FAM135B: variants seen among roughly 807,000 people sequenced by gnomAD.
FAM135B encodes the protein family with sequence similarity 135 member B.
In FAM135B, 43 loss-of-function variants were observed where a neutral mutation model predicts 127.7. The ratio of observed to expected loss-of-function variants is 0.34; its 90% CI spans 0.26 to 0.43. The LOEUF (loss-of-function observed/expected upper bound fraction) is 0.43, where lower values mean the gene tolerates loss of function less well. Among genes scored for constraint, FAM135B ranks in the 20% least tolerant of loss-of-function variants. FAM135B has a pLI of 1.00. For synonymous variants in FAM135B, 670 were observed against 665.1 expected (o/e 1.01, Z -0.11); for missense variants, 1,558 against 1,725.6 (o/e 0.90, Z 1.72).
chr8:138,150,664 C>CAAAAAA (rs1818055324), intron 13 of FAM135B, among the ~76,000 whole-genome samples: 2 of 119,944 alleles, frequency 1.7e-5, no homozygotes, highest in Admixed American at 8.5e-5. Flanking sequence ...GAGACTCTGT[C>CAAAAAA]TCAATAAATA....
At chr8:138,185,975 G>C (rs1200283986) in intron 9 of FAM135B, among the ~76,000 whole-genome samples, 3 of 152,088 alleles carry the variant, frequency 2.0e-5, no homozygotes, top group Non-Finnish European at 2.9e-5. Context: ...CACCTAGGTG[G>C]GACCCAAGTA....
At chr8:138,189,445 T>A (rs915875113) in intron 9 of FAM135B, among the ~76,000 whole-genome samples, 2 of 152,270 alleles carry the variant, frequency 1.3e-5, no homozygotes, top group African/African-American at 4.8e-5. Flanking sequence ...TGTTTTACCG[T>A]CTGCCCTCAT....
chr8:138,284,723 G>C (rs543703896), intron 3 of FAM135B, among the ~76,000 whole-genome samples: 1 of 151,978 alleles, frequency 6.6e-6, no homozygotes, highest in South Asian at 2.1e-4. Context: ...CTTCCTCCCT[G>C]GAAAGTCTTC....
At chr8:138,157,243 AC>A (rs1818849673) in intron 12 of FAM135B, among the ~76,000 whole-genome samples, 2 of 152,224 alleles carry the variant, frequency 1.3e-5, no homozygotes, top group Non-Finnish European at 1.5e-5. Flanking sequence ...ACAAAATTCA[AC>A]AGCACTTCAT....
chr8:138,303,447 C>T (rs1826027858), intron 3 of FAM135B, among the ~76,000 whole-genome samples: 1 of 151,764 alleles, frequency 6.6e-6, no homozygotes. Flanking sequence ...GGGCAGGGGG[C>T]AAGGGGAGGG....
intron 1 of FAM135B, among the ~76,000 whole-genome samples, chr8:138,435,304 T>G (rs71532169): frequency 0.072 from 10,774 of 150,384 alleles, 968 homozygotes; most frequent in East Asian, 0.27. Context: ...CTCAAAAAAA[T>G]AAAAAGAAAA....
At chr8:138,365,056 AG>A in intron 2 of FAM135B, among the ~76,000 whole-genome samples, 1 of 152,282 alleles carries the variant, frequency 6.6e-6, no homozygotes, top group Admixed American at 6.5e-5. Flanking sequence ...CATGTTGGCC[AG>A]GCTCGTCTCA....
intron 12 of FAM135B, among the ~76,000 whole-genome samples, chr8:138,165,203 C>T (rs1457857215): frequency 6.6e-6 from 1 of 151,724 alleles, no homozygotes; most frequent in Admixed American, 6.6e-5. Context: ...TCATCACAAC[C>T]TCTGCCTCCC....
intron 12 of FAM135B, among the ~76,000 whole-genome samples, chr8:138,155,485 A>G (rs571009366): frequency 2.6e-3 from 396 of 152,302 alleles, no homozygotes; most frequent in African/African-American, 6.8e-3. Flanking sequence ...GCTCCAATTA[A>G]AAGACACAGA....
At chr8:138,369,142 C>A (rs559477909) in intron 1 of FAM135B, among the ~76,000 whole-genome samples, 1 of 151,966 alleles carries the variant, frequency 6.6e-6, no homozygotes, top group African/African-American at 2.4e-5. Context: ...AGTAGACTCC[C>A]GATAGGATAA....
intron 2 of FAM135B, among the ~76,000 whole-genome samples, chr8:138,314,871 C>G (rs1210024798): frequency 9.0e-6 from 1 of 111,594 alleles, no homozygotes; most frequent in Non-Finnish European, 1.7e-5. Flanking sequence ...CAGGCGGAGA[C>G]CTTACCTCAA....
At chr8:138,445,173 C>A (rs1399433734) in intron 1 of FAM135B, among the ~76,000 whole-genome samples, 1 of 152,104 alleles carries the variant, frequency 6.6e-6, no homozygotes, top group Admixed American at 6.5e-5. Flanking sequence ...AGCTTACCAA[C>A]CAAAAAAAGT....
intron 2 of FAM135B, among the ~76,000 whole-genome samples, chr8:138,337,807 C>G (rs1828724662): frequency 6.6e-6 from 1 of 152,198 alleles, no homozygotes; most frequent in South Asian, 2.1e-4. Flanking sequence ...CCAAATCAAT[C>G]CTAAGCCAAA....
chr8:138,236,152 C>A (rs1820257716), intron 7 of FAM135B, among the ~76,000 whole-genome samples: 1 of 152,122 alleles, frequency 6.6e-6, no homozygotes, highest in African/African-American at 2.4e-5. Flanking sequence ...ATTTACTCAA[C>A]AAAGGCTTCG....
intron 5 of FAM135B, among the ~76,000 whole-genome samples, chr8:138,256,346 G>A (rs758572134): frequency 1.3e-5 from 2 of 152,156 alleles, no homozygotes; most frequent in Admixed American, 6.5e-5. Context: ...AAGGGGATTT[G>A]CCATTTGTAG....
Position 138,146,059 on chromosome 8 carries a change from G to A in FAM135B, c.3449-9C>T, listed in dbSNP as rs2130660397. On this transcript the variant is annotated splice_polypyrimidine_tract_variant and intron_variant, in intron 14 of 19. Coordinates refer to ENST00000395297, the MANE Select transcript of FAM135B (RefSeq NM_015912.4). ...GAGGTCTGCACTGTTCCCTAAAAATGACAGATAACCCCCATCCCAGTCCCG... is the reference window on the plus strand; with the variant it reads ...GAGGTCTGCACTGTTCCCTAAAAATAACAGATAACCCCCATCCCAGTCCCG... 6.6e-7 allele frequency: 1 copy of A among 1,515,184 alleles called. No individual in the cohort carries two copies. The highest frequency in any genetic ancestry group is 9.2e-7 in the Non-Finnish European group (1 of 1,092,058). The allele number at this position is 1,515,184 out of a possible 1,614,324, so 93.9% of individuals were successfully genotyped here. A position where few individuals can be genotyped will look rare whatever the true frequency, so the allele number is the denominator to read the frequency against.
chr8:138,289,194 G>C (rs1824916098), intron 3 of FAM135B, among the ~76,000 whole-genome samples: 1 of 152,142 alleles, frequency 6.6e-6, no homozygotes, highest in Non-Finnish European at 1.5e-5. Context: ...AGAGATTCTT[G>C]CAGACAGGTT....
In FAM135B at chr8:138,448,207, G is replaced by A. The variant is rs77455744; in HGVS notation, c.-20+48464C>T. 1.0e-3 allele frequency among the ~76,000 whole-genome samples: 152 copies of A among 152,138 alleles called. 2 individuals carry two copies. Among genetic ancestry groups the A allele is most frequent in the African/African-American group, 3.3e-3 (139 of 41,518 alleles). ...TTCTGGGTCAACATGCCTGGGTTAC[G>A]GGGTGCCCAGATATTTGGTCAAACT... On this transcript the variant is annotated intron_variant, in intron 1 of 19. Coordinates refer to ENST00000395297, the MANE Select transcript of FAM135B (RefSeq NM_015912.4).
intron 2 of FAM135B, among the ~76,000 whole-genome samples, chr8:138,346,781 T>C (rs76336642): frequency 0.028 from 4,229 of 152,220 alleles, 191 homozygotes; most frequent in African/African-American, 0.096. Flanking sequence ...CATTTACCTA[T>C]GTAACAAAGC....
Sources: gnomAD v4.1 joint callset for allele counts (sites outside exome capture counted in the v4.1 genomes callset) on GRCh38, gnomAD v4.1.1 for gene constraint, MANE v1.5 for transcripts, NCBI Gene and HGNC (gene_info 2026-07-23, HGNC 2026-07-21) for gene names.